Variants in USP47 observed in about 807,000 individuals in gnomAD.
The protein encoded by USP47 is ubiquitin specific peptidase 47, also known as ubiquitin carboxyl-terminal hydrolase 47.
Under a neutral mutation model 165.1 loss-of-function variants are expected in USP47, and 35 were observed. The observed-to-expected ratio is 0.21, with a 90% CI of 0.16 to 0.28. USP47 has a LOEUF of 0.28. USP47 is among the 10% of genes least tolerant of loss of function. The pLI, the probability that USP47 is intolerant of heterozygous loss-of-function variation, is 1.00. For missense variants in USP47, 1,277 were observed against 1,607.4 expected (o/e 0.79, Z 3.52); for synonymous variants, 531 against 544.5 (o/e 0.98, Z 0.35).
chr11:11,944,920 C>T (rs1201291666), intron 20 of USP47, among the ~76,000 whole-genome samples: 1 of 152,112 alleles, frequency 6.6e-6, no homozygotes, highest in Admixed American at 6.5e-5. Context: ...AAATTTGATT[C>T]GATGGGAATA....
In USP47 at chr11:11,940,653, G is replaced by A. The variant is rs999405697; in HGVS notation, c.2313+105G>A. 5.6e-6 allele frequency: 7 copies of A among 1,250,136 alleles called. No individual in the cohort carries two copies. The African/African-American group carries it at 9.1e-5, about 16-fold the overall frequency. The allele number at this position is 1,250,136 out of a possible 1,614,324, so 77.4% of individuals were successfully genotyped here. On this transcript the variant is annotated intron_variant, in intron 19 of 27. Coordinates refer to ENST00000527733, the MANE Select transcript of USP47 (RefSeq NM_001282659.2). ...CTCCACAGCTGTTCAACATCTGTCTGGAACTTAATTTAAAATTCTCAACCC... is the reference window on the plus strand; with the variant it reads ...CTCCACAGCTGTTCAACATCTGTCTAGAACTTAATTTAAAATTCTCAACCC...
intron 18 of USP47, among the ~76,000 whole-genome samples, chr11:11,939,001 G>A (rs1396135985): frequency 6.6e-6 from 1 of 151,716 alleles, no homozygotes; most frequent in African/African-American, 2.4e-5. Context: ...AGAGGAGGAA[G>A]GTGAGGCTGT....
chr11:11,871,753 C>G (rs930404755), intron 1 of USP47, among the ~76,000 whole-genome samples: 11 of 152,062 alleles, frequency 7.2e-5, no homozygotes, highest in Admixed American at 2.6e-4. Context: ...GTAGCTCTTT[C>G]CACCCCTTGA....
chr11:11,852,432 G>T (rs1192351317), intron 1 of USP47, among the ~76,000 whole-genome samples: 1 of 151,960 alleles, frequency 6.6e-6, no homozygotes, highest in Non-Finnish European at 1.5e-5. Flanking sequence ...GCTTTTTCTG[G>T]TGGGCTTCTG....
In USP47 at chr11:11,938,386, G is replaced by A. The variant is rs762958607; in HGVS notation, c.2193+14G>A. On this transcript the variant is annotated intron_variant, in intron 18 of 27. Coordinates refer to ENST00000527733, the MANE Select transcript of USP47 (RefSeq NM_001282659.2). ...CTGATTTCAAAGGTAAGTTTTAAAA[G>A]GGGTCTGTAAATAAATTTTTGAGAG... 1 of 1,605,402 alleles carries A rather than the reference G, an allele frequency of 6.2e-7. No individual in the cohort carries two copies. Among genetic ancestry groups the A allele is most frequent in the Non-Finnish European group, 8.5e-7 (1 of 1,173,860 alleles).
intron 5 of USP47, among the ~76,000 whole-genome samples, chr11:11,898,881 T>G (rs1852013037): frequency 6.6e-6 from 1 of 152,174 alleles, no homozygotes; most frequent in Admixed American, 6.5e-5. Context: ...TGTTAGTCAT[T>G]GTTTGTATCA....
At chr11:11,926,457 A>G (rs796305891) in intron 11 of USP47, among the ~76,000 whole-genome samples, 27 of 152,174 alleles carry the variant, frequency 1.8e-4, no homozygotes, top group African/African-American at 6.5e-4. Flanking sequence ...AGGGTATCCA[A>G]TTTGTTGGCA....
intron 1 of USP47, chr11:11,873,801 A>G (rs988752630): frequency 2.0e-6 from 3 of 1,471,306 alleles, no homozygotes; most frequent in South Asian, 1.4e-5. Flanking sequence ...ATACCATAGG[A>G]TGTGTTTTGG....
chr11:11,902,832 A>T lies in USP47; in HGVS notation c.711A>T (p.Thr237=). The T allele has an allele frequency of 2.5e-6, 4 of 1,599,478 alleles. No homozygotes were observed. The South Asian group carries it at 3.4e-5, about 14-fold the overall frequency. The part of the protein sequence containing the change: ...KKRAIETTDV[T]RSFGWDSSEA... ...GAGCAATTGAAACCACAGATGTTACAAGGAGCTTTGGATGGGATAGTAGTG... is the reference window on the plus strand; with the variant it reads ...GAGCAATTGAAACCACAGATGTTACTAGGAGCTTTGGATGGGATAGTAGTG... Residue 237 remains threonine, a synonymous_variant, in exon 6 of 28, where the codon ACA becomes ACT. Transcript: ENST00000527733.
chr11:11,889,349 C>G (rs185662644), intron 3 of USP47, among the ~76,000 whole-genome samples: 220 of 152,238 alleles, frequency 1.4e-3, no homozygotes, highest in African/African-American at 5.2e-3. Context: ...AGCTGATAAG[C>G]AACTTCAGCA....
chr11:11,874,523 T>G (rs1425649181), intron 1 of USP47, among the ~76,000 whole-genome samples: 1 of 152,140 alleles, frequency 6.6e-6, no homozygotes, highest in African/African-American at 2.4e-5. Context: ...GAAATGTTAC[T>G]TGTTAAAATA....
chr11:11,865,151 A>C (rs1442803830), intron 1 of USP47, among the ~76,000 whole-genome samples: 1 of 152,118 alleles, frequency 6.6e-6, no homozygotes, highest in Non-Finnish European at 1.5e-5. Context: ...GGTTTACCTT[A>C]TTTGGGGTTT....
chr11:11,918,607 CA>C (rs887138178), intron 8 of USP47, among the ~76,000 whole-genome samples: 10 of 151,912 alleles, frequency 6.6e-5, no homozygotes, highest in African/African-American at 2.4e-4. Flanking sequence ...CGAGGGAAAG[CA>C]AAATTGGCAA....
At chr11:11,913,116 A>G (rs1021205168) in intron 8 of USP47, among the ~76,000 whole-genome samples, 2 of 152,048 alleles carry the variant, frequency 1.3e-5, no homozygotes. Context: ...GTCTGCTCCT[A>G]CCACTCCTTT....
At chr11:11,892,746 G>A (rs1000869475) in intron 4 of USP47, among the ~76,000 whole-genome samples, 2 of 149,168 alleles carry the variant, frequency 1.3e-5, no homozygotes, top group African/African-American at 5.0e-5. Context: ...AGCCCAGGAG[G>A]TCTAGGTTGC....
chr11:11,905,337 T>G (rs1340244538), intron 7 of USP47, 62 bp from the exon 8 acceptor site: 2 of 1,282,030 alleles, frequency 1.6e-6, no homozygotes, highest in African/African-American at 3.0e-5. Context: ...AAGTGTAGAA[T>G]GTTACATGTT....
chr11:11,942,221 C>A, intron 19 of USP47, 114 bp from the exon 20 acceptor site: 1 of 1,201,628 alleles, frequency 8.3e-7, no homozygotes, highest in Non-Finnish European at 1.1e-6. Flanking sequence ...ACTATATCAT[C>A]ACACATGTTA....
At chr11:11,926,232 T>C (rs1245358022) in intron 11 of USP47, among the ~76,000 whole-genome samples, 1 of 152,184 alleles carries the variant, frequency 6.6e-6, no homozygotes, top group Non-Finnish European at 1.5e-5. Context: ...CTTTTTACTT[T>C]TTCAGAAAGT....
chr11:11,912,948 T>C (rs1456820184), intron 8 of USP47, among the ~76,000 whole-genome samples: 1 of 151,994 alleles, frequency 6.6e-6, no homozygotes, highest in Non-Finnish European at 1.5e-5. Flanking sequence ...CTTAATAAAA[T>C]TCAAAATTCA....
Sources: gnomAD v4.1 joint callset for allele counts (sites outside exome capture counted in the v4.1 genomes callset) on GRCh38, gnomAD v4.1.1 for gene constraint, MANE v1.5 for transcripts, NCBI Gene and HGNC (gene_info 2026-07-23, HGNC 2026-07-21) for gene names.